SLC2A13: variants seen among roughly 807,000 people sequenced by gnomAD.
SLC2A13 encodes solute carrier family 2 member 13, also known as proton myo-inositol cotransporter.
A neutral mutation model predicts 64.4 loss-of-function variants in SLC2A13; 32 were observed. The observed-to-expected ratio is 0.50, with a 90% confidence interval of 0.37 to 0.67. The LOEUF (loss-of-function observed/expected upper bound fraction) is 0.67. Ranked by LOEUF, SLC2A13 falls within the 30% of genes least tolerant of loss-of-function variation. The probability of loss-of-function intolerance (pLI) is 0.00; values close to 1 mark genes in which losing one functional copy is unlikely to be tolerated. For synonymous variants in SLC2A13, 338 were observed against 327.1 expected, an observed-to-expected ratio of 1.03 and a Z score of -0.36; for missense variants, 743 against 829.2, an observed-to-expected ratio of 0.90 and a Z score of 1.28.
At chr12:40,004,206 T>C (rs1000082162) in intron 3 of SLC2A13, among the ~76,000 whole-genome samples, 3 of 152,034 alleles carry the variant, frequency 2.0e-5, no homozygotes, top group Non-Finnish European at 4.4e-5. Flanking sequence ...TTATTTGAGA[T>C]GGAGTTTCAC....
At chr12:39,868,842 A>T (rs1430056143) in intron 5 of SLC2A13, among the ~76,000 whole-genome samples, 1 of 152,208 alleles carries the variant, frequency 6.6e-6, no homozygotes, top group Admixed American at 6.5e-5. Context: ...AAGATTATTC[A>T]TGGACTACAT....
At chr12:39,955,908 GCCA>G in intron 3 of SLC2A13, among the ~76,000 whole-genome samples, 1 of 152,080 alleles carries the variant, frequency 6.6e-6, no homozygotes, top group Non-Finnish European at 1.5e-5. Flanking sequence ...TGGACACCTG[GCCA>G]CCACAACTGT....
At chr12:39,777,747 A>G (rs1940827567) in intron 7 of SLC2A13, among the ~76,000 whole-genome samples, 1 of 152,224 alleles carries the variant, frequency 6.6e-6, no homozygotes, top group South Asian at 2.1e-4. Flanking sequence ...CCAGCAGGCC[A>G]CTGAGTGGCA....
intron 4 of SLC2A13, among the ~76,000 whole-genome samples, chr12:39,924,294 C>G (rs1193021968): frequency 2.0e-5 from 3 of 151,832 alleles, no homozygotes; most frequent in Non-Finnish European, 4.4e-5. Flanking sequence ...TTTTTAATGT[C>G]AGGAAGATAT....
In SLC2A13 at chr12:40,001,069, A is replaced by T. The variant is rs537129799; in HGVS notation, c.925+27232T>A. 1.3e-5 allele frequency among the ~76,000 whole-genome samples: 2 copies of T among 152,352 alleles called. 1 individual carries two copies. The highest frequency in any genetic ancestry group is 4.1e-4 in the South Asian group (2 of 4,830). ...AGAAATTATTTTAGCATATGTAAAC[A>T]TCAACATGACCAAGCAAACAGGAGT... is the stretch of plus-strand genomic sequence containing the variant. On this transcript the variant is annotated intron_variant, in intron 3 of 9. Transcript: ENST00000280871.
intron 3 of SLC2A13, among the ~76,000 whole-genome samples, chr12:40,006,617 G>C (rs1169903750): frequency 6.6e-6 from 1 of 152,168 alleles, no homozygotes; most frequent in Non-Finnish European, 1.5e-5. Context: ...CAAAGAAAAA[G>C]AGGTATTAAG....
intron 1 of SLC2A13, among the ~76,000 whole-genome samples, chr12:40,052,979 T>C (rs995232297): frequency 1.3e-5 from 2 of 152,088 alleles, no homozygotes; most frequent in African/African-American, 4.8e-5. Context: ...TTTTGTCTTA[T>C]CATGTAAAAT....
At chr12:40,081,740 A>T (rs567536161) in intron 1 of SLC2A13, among the ~76,000 whole-genome samples, 1 of 152,302 alleles carries the variant, frequency 6.6e-6, no homozygotes, top group East Asian at 1.9e-4. Context: ...TTTGGAGGTA[A>T]GATGACACTC....
intron 4 of SLC2A13, 86 bp downstream of exon 4, chr12:39,951,171 G>C (rs1226473630): frequency 3.4e-6 from 4 of 1,161,670 alleles, no homozygotes; most frequent in African/African-American, 1.5e-5. Flanking sequence ...ACTGAGTCTA[G>C]TATTTACATG....
chr12:40,028,654 A>G (rs1592020840), intron 2 of SLC2A13, 145 bp from the exon 3 acceptor site: 7 of 722,362 alleles, frequency 9.7e-6, no homozygotes, highest in African/African-American at 3.6e-5. Flanking sequence ...TGTGTCTGTC[A>G]CTAGGAAAAA....
At chr12:40,030,538 C>CT (rs1947888495) in intron 2 of SLC2A13, among the ~76,000 whole-genome samples, 1 of 152,106 alleles carries the variant, frequency 6.6e-6, no homozygotes, top group African/African-American at 2.4e-5. Context: ...ATCTACACTT[C>CT]TCATGATCTT....
At chr12:40,033,022 C>T (rs1014576106) in intron 2 of SLC2A13, among the ~76,000 whole-genome samples, 7 of 152,258 alleles carry the variant, frequency 4.6e-5, no homozygotes, top group Admixed American at 6.5e-5. Context: ...TGTGTAGCAC[C>T]AGTTACCGTG....
At chr12:40,086,219 A>G (rs1938584065) in intron 1 of SLC2A13, among the ~76,000 whole-genome samples, 2 of 152,120 alleles carry the variant, frequency 1.3e-5, no homozygotes, top group South Asian at 4.1e-4. Flanking sequence ...CAAGGCACCA[A>G]TCACGGATGC....
chr12:39,954,721 T>C (rs1439758275), intron 3 of SLC2A13, among the ~76,000 whole-genome samples: 1 of 152,076 alleles, frequency 6.6e-6, no homozygotes, highest in Admixed American at 6.6e-5. Flanking sequence ...TTTTATAATG[T>C]GGACATAAAA....
chr12:39,802,844 T>G (rs1462759326), intron 7 of SLC2A13, among the ~76,000 whole-genome samples: 1 of 152,098 alleles, frequency 6.6e-6, no homozygotes, highest in East Asian at 1.9e-4. Context: ...TTATATCAGA[T>G]TGAGATTTCA....
intron 2 of SLC2A13, among the ~76,000 whole-genome samples, chr12:40,038,166 C>T (rs1200713778): frequency 6.6e-6 from 1 of 152,184 alleles, no homozygotes; most frequent in East Asian, 1.9e-4. Context: ...GCTGTAGCTG[C>T]ATTTCACAAA....
intron 3 of SLC2A13, among the ~76,000 whole-genome samples, chr12:39,982,955 GC>G (rs1180634903): frequency 5.0e-5 from 7 of 139,652 alleles, no homozygotes; most frequent in Non-Finnish European, 9.4e-5. Flanking sequence ...AACCAAAACA[GC>G]ATGGTACTGG....
chr12:39,858,581 G>A (rs1434030411), intron 6 of SLC2A13, among the ~76,000 whole-genome samples: 9 of 152,122 alleles, frequency 5.9e-5, no homozygotes, highest in Admixed American at 5.9e-4. Flanking sequence ...GGAAAAAAGA[G>A]GGGCTAATAG....
At chr12:40,085,374 C>T (rs149058795) in intron 1 of SLC2A13, among the ~76,000 whole-genome samples, 1 of 152,228 alleles carries the variant, frequency 6.6e-6, no homozygotes, top group African/African-American at 2.4e-5. Context: ...AATTTGCAAC[C>T]GGTGTCTGAA....
Sources: gnomAD v4.1 joint callset for allele counts (sites outside exome capture counted in the v4.1 genomes callset) on GRCh38, gnomAD v4.1.1 for gene constraint, MANE v1.5 for transcripts, NCBI Gene and HGNC (gene_info 2026-07-23, HGNC 2026-07-21) for gene names.